The following PRKCE variants were observed in gnomAD, a reference collection of about 807,000 sequenced individuals.
PRKCE encodes protein kinase C epsilon type.
In PRKCE, 16 loss-of-function variants were observed where a neutral mutation model predicts 85.4. The ratio of observed to expected loss-of-function variants is 0.19; its 90% confidence interval spans 0.13 to 0.28. The LOEUF (loss-of-function observed/expected upper bound fraction) is 0.28, where lower values mean the gene tolerates loss of function less well. Ranked by LOEUF, PRKCE falls within the 10% of genes least tolerant of loss-of-function variation. PRKCE has a pLI of 1.00. For missense variants in PRKCE, 573 were observed against 975.2 expected (o/e 0.59, Z 5.49); for synonymous variants, 388 against 371.5 (o/e 1.04, Z -0.51).
chr2:46,153,696 G>A (rs1445471350), intron 13 of PRKCE, among the ~76,000 whole-genome samples: 1 of 152,130 alleles, frequency 6.6e-6, no homozygotes, highest in Non-Finnish European at 1.5e-5. Context: ...AGGGTGACGG[G>A]ATGGCGGTGT....
intron 2 of PRKCE, among the ~76,000 whole-genome samples, chr2:45,911,498 C>T (rs1207871866): frequency 1.3e-5 from 2 of 152,226 alleles, no homozygotes; most frequent in African/African-American, 4.8e-5. Context: ...CTGGGCTAAA[C>T]ATGGTCCCTT....
chr2:45,806,811 T>C (rs951934921), intron 1 of PRKCE, among the ~76,000 whole-genome samples: 1 of 152,110 alleles, frequency 6.6e-6, no homozygotes, highest in Admixed American at 6.5e-5. Context: ...GGAGATACCA[T>C]GTACGTCAGG....
intron 1 of PRKCE, among the ~76,000 whole-genome samples, chr2:45,817,774 C>A (rs1354266396): frequency 6.6e-6 from 1 of 152,202 alleles, no homozygotes; most frequent in African/African-American, 2.4e-5. Flanking sequence ...TGTCTGCAGT[C>A]ACCCTATAGA....
chr2:45,978,919 G>C, intron 3 of PRKCE, 57 bp from the exon 4 acceptor site: 2 of 1,554,958 alleles, frequency 1.3e-6, no homozygotes, highest in Non-Finnish European at 1.8e-6. Flanking sequence ...TTTTCTGTTT[G>C]TTTTTTGACC....
intron 2 of PRKCE, among the ~76,000 whole-genome samples, chr2:45,885,002 T>TATATTTG (rs1553440407): frequency 6.1e-5 from 6 of 97,652 alleles, no homozygotes; most frequent in Non-Finnish European, 1.1e-4. Flanking sequence ...TATATATATA[T>TATATTTG]TTGTTGTTGT....
At chr2:45,806,334 C>G (rs1688241661) in intron 1 of PRKCE, among the ~76,000 whole-genome samples, 1 of 152,198 alleles carries the variant, frequency 6.6e-6, no homozygotes, top group South Asian at 2.1e-4. Context: ...AACCCACCCG[C>G]TCCCCAAGCA....
chr2:45,944,801 A>C (rs1700132226), intron 2 of PRKCE, among the ~76,000 whole-genome samples: 1 of 151,216 alleles, frequency 6.6e-6, no homozygotes, highest in East Asian at 2.0e-4. Flanking sequence ...TGTGCTGGGC[A>C]ATCCTCAATT....
At chr2:45,684,577 G>C (rs186502006) in intron 1 of PRKCE, among the ~76,000 whole-genome samples, 1 of 152,208 alleles carries the variant, frequency 6.6e-6, no homozygotes, top group African/African-American at 2.4e-5. Flanking sequence ...ATGTTGGTTG[G>C]ACCTACAATA....
intron 1 of PRKCE, among the ~76,000 whole-genome samples, chr2:45,768,025 A>G (rs1402748554): frequency 1.3e-5 from 2 of 152,224 alleles, no homozygotes; most frequent in African/African-American, 4.8e-5. Flanking sequence ...ATTCCTTGGC[A>G]TTGGTGCCAG....
chr2:46,159,601 T>C lies in PRKCE; in HGVS notation c.1921-5T>C, dbSNP rs1459678764. ...CTAATTCCGACTCTGTCCTCATCCC[T>C]GCAGTTCATGACGAAGAATCCCCAC... is the stretch of plus-strand genomic sequence containing the variant. On this transcript the variant is annotated splice_region_variant and splice_polypyrimidine_tract_variant and intron_variant, in intron 13 of 14. Coordinates refer to ENST00000306156, the MANE Select transcript of PRKCE (RefSeq NM_005400.3). This position sits in a 1 kb window ranked among gnomAD's most constrained non-coding sequence, Gnocchi z 4.1. The C allele has an allele frequency of 2.5e-6, 4 of 1,592,482 alleles. No individual in the cohort carries two copies. Among genetic ancestry groups the C allele is most frequent in the African/African-American group, 2.7e-5 (2 of 74,714 alleles).
At chr2:45,677,352 G>GTT (rs1209642358) in intron 1 of PRKCE, among the ~76,000 whole-genome samples, 5 of 140,832 alleles carry the variant, frequency 3.6e-5, no homozygotes, top group Non-Finnish European at 6.1e-5. Context: ...TGTTGTTGTT[G>GTT]TTTTTTTTTT....
At chr2:45,785,418 G>A (rs1686520755) in intron 1 of PRKCE, among the ~76,000 whole-genome samples, 1 of 152,064 alleles carries the variant, frequency 6.6e-6, no homozygotes, top group Admixed American at 6.5e-5. Flanking sequence ...TTGGACCTGG[G>A]AGGCAGAGGT....
intron 1 of PRKCE, among the ~76,000 whole-genome samples, chr2:45,831,311 A>G (rs1178693782): frequency 6.6e-6 from 1 of 152,268 alleles, no homozygotes; most frequent in Non-Finnish European, 1.5e-5. Flanking sequence ...TGTATACACA[A>G]AACATGGAAA....
At chr2:46,040,677 G>C (rs1002692883) in intron 10 of PRKCE, among the ~76,000 whole-genome samples, 2 of 152,200 alleles carry the variant, frequency 1.3e-5, no homozygotes, top group African/African-American at 4.8e-5. Flanking sequence ...AGTCTTCTGA[G>C]CTAGAGTTTA....
chr2:45,829,115 CT>C (rs1328850307), intron 1 of PRKCE, among the ~76,000 whole-genome samples: 2 of 151,896 alleles, frequency 1.3e-5, no homozygotes, highest in Non-Finnish European at 2.9e-5. Flanking sequence ...CAATTGGTTT[CT>C]AATATTACAC....
At chr2:45,710,138 T>C (rs761447713) in intron 1 of PRKCE, among the ~76,000 whole-genome samples, 7 of 152,218 alleles carry the variant, frequency 4.6e-5, no homozygotes, top group Non-Finnish European at 8.8e-5. Flanking sequence ...ACTGGCTAGG[T>C]GCTGGGCACC....
At chr2:45,867,581 A>G (rs1333908582) in intron 2 of PRKCE, among the ~76,000 whole-genome samples, 3 of 152,162 alleles carry the variant, frequency 2.0e-5, no homozygotes, top group African/African-American at 4.8e-5. Context: ...GATCACGATG[A>G]GAGATTCAGA....
intron 14 of PRKCE, among the ~76,000 whole-genome samples, chr2:46,175,449 C>T (rs1478147791): frequency 2.0e-5 from 3 of 152,198 alleles, no homozygotes; most frequent in African/African-American, 4.8e-5. Flanking sequence ...ATAATTTACT[C>T]GATGTCACCT....
chr2:46,010,742 C>A (rs938015012), intron 10 of PRKCE: 2 of 1,598,278 alleles, frequency 1.3e-6, no homozygotes. Context: ...CTGTAGAATT[C>A]TTTGCAGCCA....
Sources: gnomAD v4.1 joint callset for allele counts (sites outside exome capture counted in the v4.1 genomes callset) on GRCh38, gnomAD v4.1.1 for gene constraint, Gnocchi (gnomAD v3.1) non-coding constraint, MANE v1.5 for transcripts, NCBI Gene and HGNC (gene_info 2026-07-23, HGNC 2026-07-21) for gene names.